Variants in SCN11A observed in about 807,000 individuals in gnomAD.
SCN11A encodes the protein sodium voltage-gated channel alpha subunit 11.
A neutral mutation model predicts 162.2 loss-of-function variants in SCN11A; 122 were observed. The observed-to-expected ratio is 0.75, with a 90% CI of 0.65 to 0.87. The LOEUF (loss-of-function observed/expected upper bound fraction) is 0.87, where lower values mean the gene tolerates loss of function less well. SCN11A is among the 40% of genes least tolerant of loss of function. SCN11A has a pLI of 0.00. For synonymous variants in SCN11A, 758 were observed against 751.5 expected, an observed-to-expected ratio of 1.01 and a Z score of -0.14; for missense variants, 2,015 against 2,181.6, an observed-to-expected ratio of 0.92 and a Z score of 1.52.
At chr3:38,920,475 G>A (rs1024397019) in intron 10 of SCN11A, among the ~76,000 whole-genome samples, 1 of 152,176 alleles carries the variant, frequency 6.6e-6, no homozygotes, top group African/African-American at 2.4e-5. Context: ...GGCAGATCAC[G>A]AGGTCAGGAG....
At chr3:38,957,952 G>A (rs940760195) in intron 3 of SCN11A, among the ~76,000 whole-genome samples, 2 of 152,228 alleles carry the variant, frequency 1.3e-5, no homozygotes, top group Non-Finnish European at 2.9e-5. Flanking sequence ...GGAGCCCTGA[G>A]TGGGGCATGG....
intron 23 of SCN11A, among the ~76,000 whole-genome samples, chr3:38,874,898 T>A (rs1273015617): frequency 6.6e-6 from 1 of 152,216 alleles, no homozygotes; most frequent in Non-Finnish European, 1.5e-5. Flanking sequence ...TTTGATGTAG[T>A]TGAATTGTGT....
In SCN11A at chr3:38,871,701, A is replaced by AC. The variant is rs2065129363; in HGVS notation, c.3502dup (p.Val1168GlyfsTer42). On this transcript the variant is annotated frameshift_variant, in exon 25 of 30. Transcript: ENST00000302328. LOFTEE classifies it high-confidence loss of function. ...AGGTATGGCACCTATGAGAGCATTG[A>AC]CCACCACCTTATGGAAACAAAAGCA... 2 of 1,595,668 alleles carry AC rather than the reference A, an allele frequency of 1.3e-6. No individual in the cohort carries two copies. Among genetic ancestry groups the AC allele is most frequent in the Non-Finnish European group, 1.7e-6 (2 of 1,174,148 alleles).
chr3:38,938,123 C>A (rs577833591), intron 7 of SCN11A, among the ~76,000 whole-genome samples: 3 of 152,068 alleles, frequency 2.0e-5, no homozygotes, highest in African/African-American at 7.2e-5. Flanking sequence ...AGTAAACTAT[C>A]GCAAGAACAA....
rs1224087262 is a variant in SCN11A, at chr3:38,953,530, T to G, written c.-8+99A>C. On this transcript the variant is annotated intron_variant, in intron 4 of 29. Coordinates refer to ENST00000302328, the MANE Select transcript of SCN11A (RefSeq NM_001349253.2). ...TGGAAACTCTTGTAGCAAATCAAAT[T>G]ACAGGGGATGATCTAATGACATGCA... Among the ~76,000 whole-genome samples, 5 of 152,056 alleles carry G rather than the reference T, an allele frequency of 3.3e-5. No homozygotes were observed. The East Asian group carries it at 9.7e-4, about 29-fold the overall frequency.
In SCN11A at chr3:38,847,123, A is replaced by G. The variant is rs1172383851; in HGVS notation, c.4947T>C (p.Phe1649=). 2 of 1,614,114 alleles carry G rather than the reference A, an allele frequency of 1.2e-6. No homozygotes were observed. Among genetic ancestry groups the G allele is most frequent in the Admixed American group, 1.7e-5 (1 of 60,010 alleles). ...QFIKYSALSD[F]ADALPEPLRV... ...GCAAAGGCTCAGGCAAGGCATCAGC[A>G]AAGTCAGAAAGGGCAGAATATTTGA... The change falls in exon 30 of 30, where the codon TTT becomes TTC. Residue 1649 remains phenylalanine, a synonymous_variant. Transcript: ENST00000302328.
At chr3:39,027,773 A>G (rs543343813) in intron 2 of SCN11A, among the ~76,000 whole-genome samples, 2 of 152,324 alleles carry the variant, frequency 1.3e-5, no homozygotes, top group East Asian at 3.9e-4. Context: ...CTCTGGAACT[A>G]GCAGATGATT....
rs571721216 is a variant in SCN11A, at chr3:38,872,222, G to A, written c.3466C>T (p.Arg1156Cys). ...ATTCCTTCAAACTGGGACAGCGCAC[G>A]AAGAGGCCTCAGTGCTCGTAGAGTC... ...FRTLRALRPL[R>C]ALSQFEGMKV... Residue 1156 changes from arginine (R) to cysteine (C), a missense_variant, in exon 24 of 30, where the codon CGT (arginine) becomes TGT (cysteine). Physicochemically the swap from Arg to Cys is radical, Grantham distance 180. Coordinates refer to ENST00000302328, the MANE Select transcript of SCN11A (RefSeq NM_001349253.2). 2.8e-5 allele frequency: 45 copies of A among 1,607,144 alleles called. No individual in the cohort carries two copies. Among genetic ancestry groups the A allele is most frequent in the Middle Eastern group, 1.7e-4 (1 of 6,052 alleles).
Position 38,934,890 on chromosome 3 carries a change from T to G in SCN11A, c.489-7959A>C, listed in dbSNP as rs879277585. On this transcript the variant is annotated intron_variant, in intron 7 of 29. Transcript: ENST00000302328. Reference sequence around the variant, plus strand: ...GCACCAAGCGGACCTAATAGACATCTACAGAACTCTCCACCCCAAATCAAC... The same window carrying G: ...GCACCAAGCGGACCTAATAGACATCGACAGAACTCTCCACCCCAAATCAAC... Among the ~76,000 whole-genome samples the G allele has an allele frequency of 8.9e-3, 1,349 of 151,716 alleles. 7 individuals are homozygous for G. The highest frequency in any genetic ancestry group is 0.014 in the Non-Finnish European group (934 of 67,832).
At chr3:38,906,787 T>C (rs1405019943) in intron 14 of SCN11A, among the ~76,000 whole-genome samples, 1 of 152,154 alleles carries the variant, frequency 6.6e-6, no homozygotes, top group Non-Finnish European at 1.5e-5. Context: ...CTTTCAATGC[T>C]CTTTACCCTT....
chr3:38,973,700 G>A (rs996747824), intron 2 of SCN11A, among the ~76,000 whole-genome samples: 7 of 152,232 alleles, frequency 4.6e-5, no homozygotes, highest in African/African-American at 1.7e-4. Flanking sequence ...ATGGAAGAGA[G>A]TGTTGGAAGC....
Position 38,926,745 on chromosome 3 carries a change from A to T in SCN11A, c.617+58T>A, listed in dbSNP as rs568846408. ...TGGATCCACACAGAGCTCTGATGGAAGCAAAGGGGCTTCTTTCCCACTCCA... is the reference window on the plus strand; with the variant it reads ...TGGATCCACACAGAGCTCTGATGGATGCAAAGGGGCTTCTTTCCCACTCCA... On this transcript the variant is annotated intron_variant, in intron 8 of 29. Transcript: ENST00000302328. The T allele has an allele frequency of 8.3e-6, 13 of 1,562,082 alleles. No individual in the cohort carries two copies. In the East Asian group the frequency reaches 2.9e-4, roughly 35 times the overall value.
chr3:38,941,786 C>A (rs540120545), intron 7 of SCN11A, among the ~76,000 whole-genome samples: 231 of 130,178 alleles, frequency 1.8e-3, no homozygotes, highest in Non-Finnish European at 3.0e-3. Context: ...AGCAAAGGAA[C>A]AACAACAATG....
intron 9 of SCN11A, among the ~76,000 whole-genome samples, chr3:38,922,795 G>A (rs897069307): frequency 6.6e-6 from 1 of 152,118 alleles, no homozygotes; most frequent in Admixed American, 6.5e-5. Context: ...ATAACCTACT[G>A]CTTCTGTTTG....
At chr3:38,914,134 G>A (rs1171014496) in intron 11 of SCN11A, among the ~76,000 whole-genome samples, 3 of 152,108 alleles carry the variant, frequency 2.0e-5, no homozygotes, top group Non-Finnish European at 2.9e-5. Flanking sequence ...AGCATGAGAT[G>A]TTCTTCCATT....
intron 2 of SCN11A, among the ~76,000 whole-genome samples, chr3:39,003,120 A>G (rs1207345247): frequency 2.0e-5 from 3 of 152,134 alleles, no homozygotes; most frequent in African/African-American, 7.2e-5. Context: ...AGATTATTCA[A>G]TCACCCAGGT....
intron 11 of SCN11A, among the ~76,000 whole-genome samples, chr3:38,912,602 T>C (rs2125540289): frequency 6.6e-6 from 1 of 152,246 alleles, no homozygotes; most frequent in East Asian, 1.9e-4. Context: ...TACCCAACAG[T>C]TATTTTTTCT....
At chr3:38,907,725 A>G (rs1559523962) in intron 14 of SCN11A, among the ~76,000 whole-genome samples, 2 of 152,126 alleles carry the variant, frequency 1.3e-5, no homozygotes, top group African/African-American at 4.8e-5. Flanking sequence ...TATCCCTAGC[A>G]CCTATCCCAG....
intron 2 of SCN11A, among the ~76,000 whole-genome samples, chr3:38,963,182 A>G (rs1157769693): frequency 6.6e-6 from 1 of 150,762 alleles, no homozygotes; most frequent in Non-Finnish European, 1.5e-5. Context: ...TATTTGATCT[A>G]GCAATCTCAC....
Sources: allele counts gnomAD v4.1 joint callset (sites outside exome capture counted in the v4.1 genomes callset), GRCh38; gene constraint gnomAD v4.1.1; transcripts MANE v1.5; gene names NCBI Gene and HGNC (gene_info 2026-07-23, HGNC 2026-07-21).